NEB: variants seen among roughly 807,000 people sequenced by gnomAD.
The protein encoded by NEB is nemaline myopathy type 2.
Under a neutral mutation model 952.2 loss-of-function variants are expected in NEB, and 512 were observed. The ratio of observed to expected loss-of-function variants is 0.54; its 90% confidence interval spans 0.50 to 0.58. The LOEUF (loss-of-function observed/expected upper bound fraction) is 0.58. Among genes scored for constraint, NEB ranks in the 20% least tolerant of loss-of-function variants. The pLI, the probability that NEB is intolerant of heterozygous loss-of-function variation, is 0.00. For missense variants in NEB, 8,428 were observed against 9,231.1 expected (o/e 0.91, Z 3.56); for synonymous variants, 2,900 against 3,149.8 (o/e 0.92, Z 2.66).
intron 20 of NEB, among the ~76,000 whole-genome samples, chr2:151,693,987 G>A (rs1056731304): frequency 1.5e-4 from 23 of 151,932 alleles, no homozygotes; most frequent in African/African-American, 5.3e-4. Context: ...TCAGGGCATT[G>A]GGTGAATATA....
chr2:151,519,751 A>T lies in NEB; in HGVS notation c.22497T>A (p.Asn7499Lys). ...KLSSQVKYRE[N>K]FDKEKGKTPK... is the part of the protein sequence containing the mutation. Reference sequence around the variant, plus strand: ...GTGTCTTGCCCTTTTCTTTATCGAAATTTTCTCGGTATTTAACCTAACAGC... The same window carrying T: ...GTGTCTTGCCCTTTTCTTTATCGAATTTTTCTCGGTATTTAACCTAACAGC... Residue 7499 changes from asparagine (N) to lysine (K), a missense_variant, in exon 154 of 182, where the codon AAT becomes AAA. Transcript: ENST00000397345. The T allele has an allele frequency of 6.2e-7, 1 of 1,610,338 alleles. No individual in the cohort carries two copies. The highest frequency in any genetic ancestry group is 1.1e-5 in the South Asian group (1 of 90,984).
Position 151,694,036 on chromosome 2 carries a change from G to A in NEB, c.1896+287C>T, listed in dbSNP as rs199899629. ...ACCTATACTTATGTATATTAAGCTCGTTTCTAGGAAAAATAATAAAAACAA... is the reference window on the plus strand; with the variant it reads ...ACCTATACTTATGTATATTAAGCTCATTTCTAGGAAAAATAATAAAAACAA... On this transcript the variant is annotated intron_variant, in intron 20 of 181. Coordinates refer to ENST00000397345, the MANE Select transcript of NEB (RefSeq NM_001164508.2). 4.6e-5 allele frequency among the ~76,000 whole-genome samples: 7 copies of A among 152,110 alleles called. No homozygotes were observed. In the East Asian group the frequency reaches 1.4e-3, roughly 29 times the overall value.
intron 135 of NEB, 82 bp downstream of exon 135, chr2:151,545,806 A>T: frequency 1.2e-6 from 1 of 806,110 alleles, no homozygotes; most frequent in African/African-American, 1.7e-5. Flanking sequence ...AGCGATCACT[A>T]GAGGAACTAA....
At position 151,499,384 on chromosome 2, in the gene NEB, A is replaced by G. The variant is rs555681348; in HGVS notation, c.24028T>C (p.Tyr8010His). ...ATCCCTTTTCCAACGTTTTCTTTAT[A>G]CAACACCTGTATGACACAAGAAAGC... ...LNQENFSSVL[Y>H]KENVGKGIPI... is the part of the protein sequence containing the mutation. Residue 8010 changes from tyrosine to histidine, a missense_variant, in exon 169 of 182, where the codon TAT (tyrosine) becomes CAT (histidine). This residue lies in a region of NEB where 3,374 missense variants were observed against 3,651.5 expected (regional missense o/e 0.92). Transcript: ENST00000397345. The G allele has an allele frequency of 6.5e-6, 10 of 1,529,102 alleles. No individual in the cohort carries two copies. The highest frequency in any genetic ancestry group is 3.4e-4 in the Middle Eastern group (2 of 5,938). 94.7% of individuals were successfully genotyped at this position (1,529,102 alleles called of 1,614,324 possible).
intron 9 of NEB, among the ~76,000 whole-genome samples, chr2:151,719,842 G>A (rs1396692133): frequency 7.3e-6 from 1 of 136,380 alleles, no homozygotes; most frequent in Non-Finnish European, 1.5e-5. Flanking sequence ...AGCCAAGATT[G>A]TATCACTGCA....
At chr2:151,530,950 G>A (rs531902900) in intron 145 of NEB, 44 bp downstream of exon 145, 2 of 1,300,426 alleles carry the variant, frequency 1.5e-6, no homozygotes, top group South Asian at 2.5e-5. Context: ...CTCATTAGAA[G>A]GAGGCCAAGA....
At chr2:151,693,604 T>C (rs1303111912) in intron 20 of NEB, among the ~76,000 whole-genome samples, 5 of 152,224 alleles carry the variant, frequency 3.3e-5, no homozygotes, top group African/African-American at 1.2e-4. Context: ...TCTGATTCCA[T>C]TTTATGGCTG....
At chr2:151,511,583 C>T (rs1209447070) in intron 161 of NEB, among the ~76,000 whole-genome samples, 2 of 152,168 alleles carry the variant, frequency 1.3e-5, no homozygotes, top group Admixed American at 6.5e-5. Context: ...AGCTAGGGCA[C>T]GTTAACTATG....
chr2:151,671,215 G>A lies in NEB; in HGVS notation c.4314C>T (p.Asp1438=), dbSNP rs1419373548. The A allele has an allele frequency of 5.6e-6, 9 of 1,612,940 alleles. No homozygotes were observed. The highest frequency in any genetic ancestry group is 1.3e-5 in the African/African-American group (1 of 74,986). The change falls in exon 38 of 182, where the codon GAC becomes GAT. Residue 1438 remains aspartate, a synonymous_variant. Transcript: ENST00000397345. ...TGCCCTTCAAGAAGCTGTTATACTC[G>A]TCTTTATACACATTCTGTAAAAGGG... ...NQIQSDNVYK[D]EYNSFLKGIG... is the part of the protein sequence containing the mutation.
At chr2:151,487,980 TTGTATTA>T (rs2052478252) in intron 181 of NEB, among the ~76,000 whole-genome samples, 1 of 152,192 alleles carries the variant, frequency 6.6e-6, no homozygotes, top group Non-Finnish European at 1.5e-5. Context: ...ATTTGATACT[TTGTATTA>T]TGTACTTTAT....
chr2:151,697,415 A>G lies in NEB; in HGVS notation c.1300T>C (p.Tyr434His). The G allele has an allele frequency of 6.2e-7, 1 of 1,613,934 alleles. No individual in the cohort carries two copies. The highest frequency in any genetic ancestry group is 2.2e-5 in the East Asian group (1 of 44,874). ...TATGGATCCTCGAAGCTGCCTACATAATGTCCCAAAATATCTTTTAAGTAG... is the reference window on the plus strand; with the variant it reads ...TATGGATCCTCGAAGCTGCCTACATGATGTCCCAAAATATCTTTTAAGTAG... ...DSYLKDILGH[Y>H]VGSFEDPYHS... is the part of the protein sequence containing the mutation. The change falls in exon 15 of 182, where the codon TAT becomes CAT. Residue 434 changes from tyrosine (Y) to histidine (H), a missense_variant. By Grantham distance (83) the Tyr-to-His change is moderately conservative (BLOSUM62 2). Transcript: ENST00000397345.
chr2:151,687,439 T>C lies in NEB; in HGVS notation c.2617A>G (p.Thr873Ala), dbSNP rs1480557416. 4 of 1,613,830 alleles carry C rather than the reference T, an allele frequency of 2.5e-6. No homozygotes were observed. The highest frequency in any genetic ancestry group is 3.4e-6 in the Non-Finnish European group (4 of 1,179,692). Reference sequence around the variant, plus strand: ...CTCACATCACTCTGGTTTTTGGCTGTCTTCAAGGAGTGCAGCATCTTTGGA... The same window carrying C: ...CTCACATCACTCTGGTTTTTGGCTGCCTTCAAGGAGTGCAGCATCTTTGGA... Reference protein sequence around the residue: ...DDPKMLHSLKTAKNQSDREYR... With the variant: ...DDPKMLHSLKAAKNQSDREYR... Residue 873 changes from threonine to alanine, a missense_variant, in exon 27 of 182, where the codon ACA becomes GCA. By Grantham distance (58) the Thr-to-Ala change is moderately conservative (BLOSUM62 0). This residue lies in a region of NEB where 2,851 missense variants were observed against 2,791.5 expected (regional missense o/e 1.02). Coordinates refer to ENST00000397345, the MANE Select transcript of NEB (RefSeq NM_001164508.2).
chr2:151,576,167 G>A lies in NEB; in HGVS notation c.16892C>T (p.Ala5631Val). The change falls in exon 106 of 182, where the codon GCT (alanine) becomes GTT (valine). Residue 5631 changes from alanine (A) to valine (V), a missense_variant. Physicochemically the swap from Ala to Val is moderately conservative, Grantham distance 64. Transcript: ENST00000397345. ...TPEVVLAKSNAENISIPKYRE... is the reference protein window; with the variant it reads ...TPEVVLAKSNVENISIPKYRE... The stretch of plus-strand genomic sequence containing the variant: ...CTAACTCACAATACTAATATTTTCA[G>A]CATTTGATTTAGCAAGGACCACTTC... The A allele has an allele frequency of 1.3e-6, 2 of 1,596,054 alleles. No individual in the cohort carries two copies. The highest frequency in any genetic ancestry group is 8.6e-7 in the Non-Finnish European group (1 of 1,168,656).
intron 165 of NEB, among the ~76,000 whole-genome samples, chr2:151,504,408 T>C (rs1325878639): frequency 6.6e-6 from 1 of 152,104 alleles, no homozygotes; most frequent in Non-Finnish European, 1.5e-5. Flanking sequence ...AACCAAGAAG[T>C]TGTAATGCAA....
intron 124 of NEB, among the ~76,000 whole-genome samples, 172 bp from the exon 125 acceptor site, chr2:151,555,216 G>C (rs369085018): frequency 6.6e-6 from 1 of 152,164 alleles, no homozygotes; most frequent in Non-Finnish European, 1.5e-5. Flanking sequence ...CAGCAGTAGC[G>C]CCTGCCATGG....
Position 151,602,669 on chromosome 2 carries a change from TC to T in NEB, c.13285del (p.Glu4429ArgfsTer7). The T allele has an allele frequency of 1.4e-5, 1 of 70,460 alleles. No homozygotes were observed. The allele number at this position is 70,460 out of a possible 1,614,324, so 4.4% of individuals were successfully genotyped here. A position where few individuals can be genotyped will look rare whatever the true frequency, so the allele number is the denominator to read the frequency against. The stretch of plus-strand genomic sequence containing the variant: ...CACGTTCACATTAGCCTTCTCTTTC[TC>T]CCAGGCATCGCGATACAATGGCTGG... Reference protein sequence around the residue: ...ISEPLYRDAWEKEKANVNVPA... With the variant: ...ISEPLYRDAWXKEKANVNVPA... On this transcript the variant is annotated frameshift_variant, in exon 87 of 182. Transcript: ENST00000397345. LOFTEE classifies it high-confidence loss of function.
At chr2:151,488,811 C>CTGG (rs2053517287) in intron 181 of NEB, among the ~76,000 whole-genome samples, 1 of 152,162 alleles carries the variant, frequency 6.6e-6, no homozygotes, top group African/African-American at 2.4e-5. Context: ...AATTAAATAA[C>CTGG]TTACCCCTTT....
intron 75 of NEB, among the ~76,000 whole-genome samples, chr2:151,616,386 TA>T (rs984803221): frequency 1.7e-4 from 25 of 148,060 alleles, no homozygotes; most frequent in Non-Finnish European, 2.4e-4. Context: ...CAAGCAGATG[TA>T]AAAAAAAAAA....
rs184967835 is a variant in NEB at position 151,539,737 on chromosome 2, T to A, written c.20892+607A>T. ...ATTAAAAGGCAGCCTTGCCCTCGAT[T>A]GTGTGATATGGAAAATGAACATCTG... On this transcript the variant is annotated intron_variant, in intron 138 of 181. Transcript: ENST00000397345. 4.6e-5 allele frequency among the ~76,000 whole-genome samples: 7 copies of A among 152,298 alleles called. No individual in the cohort carries two copies. The East Asian group carries it at 1.2e-3, about 25-fold the overall frequency.
Sources: gnomAD v4.1 joint callset for allele counts (sites outside exome capture counted in the v4.1 genomes callset) on GRCh38, gnomAD v4.1.1 for gene constraint, gnomAD v4.1.1 regional missense constraint, MANE v1.5 for transcripts, NCBI Gene and HGNC (gene_info 2026-07-23, HGNC 2026-07-21) for gene names.